Variants in WWP2 observed in about 807,000 individuals in gnomAD.
WWP2 encodes the protein NEDD4-like E3 ubiquitin-protein ligase WWP2.
Under a neutral mutation model 121.0 loss-of-function variants are expected in WWP2, and 57 were observed. The observed-to-expected ratio is 0.47, with a 90% CI of 0.38 to 0.59. The LOEUF (loss-of-function observed/expected upper bound fraction) is 0.59. WWP2 is among the 20% of genes least tolerant of loss of function. The probability of loss-of-function intolerance (pLI) is 0.00; values close to 1 mark genes in which losing one functional copy is unlikely to be tolerated. For missense variants in WWP2, 962 were observed against 1,158.9 expected (o/e 0.83, Z 2.47); for synonymous variants, 449 against 441.3 (o/e 1.02, Z -0.22).
intron 1 of WWP2, among the ~76,000 whole-genome samples, chr16:69,783,372 C>G (rs991517824): frequency 1.3e-5 from 2 of 152,028 alleles, no homozygotes; most frequent in African/African-American, 4.8e-5. Flanking sequence ...CTGAACAACT[C>G]TTTAAGATAA....
chr16:69,830,610 A>C (rs1324791792), intron 4 of WWP2, among the ~76,000 whole-genome samples: 1 of 152,094 alleles, frequency 6.6e-6, no homozygotes, highest in Non-Finnish European at 1.5e-5. Flanking sequence ...TCTGGGTAAG[A>C]CCCTGCCAGA....
intron 19 of WWP2, chr16:69,936,754 A>G: frequency 2.0e-6 from 1 of 501,110 alleles, no homozygotes; most frequent in Non-Finnish European, 3.6e-6. Context: ...CCGGGCCGAA[A>G]GGATCTCTGT....
At chr16:69,842,384 T>G (rs1009765938) in intron 6 of WWP2, among the ~76,000 whole-genome samples, 4 of 152,164 alleles carry the variant, frequency 2.6e-5, no homozygotes, top group Non-Finnish European at 4.4e-5. Flanking sequence ...GTTACATGGG[T>G]ATATTGCATG....
chr16:69,839,321 A>G (rs551588473), intron 4 of WWP2, among the ~76,000 whole-genome samples: 1 of 152,350 alleles, frequency 6.6e-6, no homozygotes, highest in South Asian at 2.1e-4. Context: ...GGGAACTGAA[A>G]TATTCAGTGT....
chr16:69,884,735 AG>A (rs2057893092), intron 7 of WWP2, among the ~76,000 whole-genome samples: 1 of 152,232 alleles, frequency 6.6e-6, no homozygotes, highest in African/African-American at 2.4e-5. Flanking sequence ...TCATTTTTAG[AG>A]GATGCAAGGA....
At chr16:69,838,522 C>T (rs2056918705) in intron 4 of WWP2, among the ~76,000 whole-genome samples, 1 of 151,556 alleles carries the variant, frequency 6.6e-6, no homozygotes, top group Non-Finnish European at 1.5e-5. Context: ...TTGGCAGCAG[C>T]TTAGCTGGGC....
At chr16:69,924,814 A>T (rs1290202102) in intron 10 of WWP2, among the ~76,000 whole-genome samples, 1 of 138,966 alleles carries the variant, frequency 7.2e-6, no homozygotes, top group Non-Finnish European at 1.5e-5. Flanking sequence ...TTCCTGGGGG[A>T]GGTGAGGGCT....
chr16:69,838,712 G>A (rs1382216652), intron 4 of WWP2: 4 of 985,300 alleles, frequency 4.1e-6, no homozygotes, highest in Non-Finnish European at 3.6e-6. Flanking sequence ...GAAGGAACTC[G>A]TTTCCTTTGG....
intron 4 of WWP2, among the ~76,000 whole-genome samples, chr16:69,823,056 A>G (rs892117316): frequency 2.0e-5 from 3 of 152,176 alleles, no homozygotes; most frequent in African/African-American, 7.2e-5. Flanking sequence ...ACTTGAACCC[A>G]GGAGGCAGAG....
chr16:69,815,456 T>C (rs1178736295), intron 4 of WWP2, among the ~76,000 whole-genome samples: 1 of 149,894 alleles, frequency 6.7e-6, no homozygotes, highest in Non-Finnish European at 1.5e-5. Context: ...TATTCTAGCC[T>C]GGGTGACAGA....
chr16:69,912,213 C>A (rs761330365), intron 9 of WWP2, among the ~76,000 whole-genome samples: 2 of 151,846 alleles, frequency 1.3e-5, no homozygotes, highest in Non-Finnish European at 2.9e-5. Context: ...TGTTTGAACC[C>A]CAGCGGCGGA....
intron 1 of WWP2, among the ~76,000 whole-genome samples, chr16:69,774,199 A>T (rs1013527314): frequency 3.3e-5 from 5 of 151,970 alleles, no homozygotes. Context: ...TCCATCTTAC[A>T]TTTCCACCCA....
chr16:69,769,246 G>A (rs2055362423), intron 1 of WWP2, among the ~76,000 whole-genome samples: 1 of 150,434 alleles, frequency 6.6e-6, no homozygotes, highest in Admixed American at 6.7e-5. Flanking sequence ...GAACCCGGGA[G>A]GTGGAGGTTT....
intron 1 of WWP2, among the ~76,000 whole-genome samples, chr16:69,771,938 A>G (rs2055425172): frequency 6.6e-6 from 1 of 150,480 alleles, no homozygotes. Context: ...TGAGAAACTA[A>G]AAGTCTTTTT....
At chr16:69,820,864 G>C (rs923714141) in intron 4 of WWP2, among the ~76,000 whole-genome samples, 10 of 147,976 alleles carry the variant, frequency 6.8e-5, no homozygotes, top group Non-Finnish European at 1.5e-4. Flanking sequence ...ACACGACGTT[G>C]AAAGAGTGAC....
At chr16:69,938,555 ACTGCAGTGAGCTGGACCGTGCCACTGCT>A (rs531405778) in intron 21 of WWP2, among the ~76,000 whole-genome samples, 4,853 of 152,158 alleles carry the variant, frequency 0.032, 85 homozygotes, top group Middle Eastern at 0.078. Context: ...GGAGGTGGAG[ACTGCAGTGAGCTGGACCGTGCCACTGCT>A]CTGCAGTGAG....
At chr16:69,768,470 C>T (rs931243529) in intron 1 of WWP2, among the ~76,000 whole-genome samples, 10 of 152,004 alleles carry the variant, frequency 6.6e-5, no homozygotes, top group African/African-American at 1.9e-4. Flanking sequence ...ATTAGCTAGG[C>T]GTGGTGGCAG....
At chr16:69,802,065 G>GACT (rs1246390520) in intron 4 of WWP2, among the ~76,000 whole-genome samples, 2 of 151,910 alleles carry the variant, frequency 1.3e-5, no homozygotes, top group Non-Finnish European at 2.9e-5. Context: ...GAGTAGCTGG[G>GACT]ACTACAGGCA....
At chr16:69,833,177 G>A (rs1471698365) in intron 4 of WWP2, among the ~76,000 whole-genome samples, 1 of 152,252 alleles carries the variant, frequency 6.6e-6, no homozygotes, top group East Asian at 1.9e-4. Flanking sequence ...CCATCGGTTT[G>A]TCTGAGTCAG....
Sources: allele counts gnomAD v4.1 joint callset (sites outside exome capture counted in the v4.1 genomes callset), GRCh38; gene constraint gnomAD v4.1.1; transcripts MANE v1.5; gene names NCBI Gene and HGNC (gene_info 2026-07-23, HGNC 2026-07-21).